The following ZNF432 variants were observed in gnomAD, a reference collection of about 807,000 sequenced individuals.
The protein encoded by ZNF432 is zinc finger protein 432.
Under a neutral mutation model 13.9 loss-of-function variants are expected in ZNF432, and 10 were observed. The ratio of observed to expected loss-of-function variants is 0.72; its 90% CI spans 0.44 to 1.22. ZNF432 has a LOEUF of 1.22. Among genes scored for constraint, ZNF432 ranks in the 50% most tolerant of loss-of-function variants. The probability of loss-of-function intolerance (pLI) is 0.00; values close to 1 mark genes in which losing one functional copy is unlikely to be tolerated. For synonymous variants in ZNF432, 247 were observed against 256.2 expected (o/e 0.96, Z 0.34); for missense variants, 793 against 796.2 (o/e 1.00, Z 0.05).
chr19:52,043,952 G>C (rs1050291041), intron 2 of ZNF432, among the ~76,000 whole-genome samples: 8 of 152,154 alleles, frequency 5.3e-5, no homozygotes, highest in Admixed American at 2.6e-4. Flanking sequence ...CTCAGAGGCT[G>C]GCGGGATCCT....
In ZNF432 at chr19:52,035,032, T is replaced by C. The variant is rs946823513; in HGVS notation, c.647A>G (p.Lys216Arg). Residue 216 changes from lysine to arginine, a missense_variant, in exon 5 of 5, where the codon AAG becomes AGG. Coordinates refer to ENST00000221315, the MANE Select transcript of ZNF432 (RefSeq NM_014650.4). ...CTCATGATCAGTGAGCTGAGACTTC[T>C]TGACAAACGCTTTCCCACATTCACT... ...VCSECGKAFVKKSQLTDHERV... is the reference protein window; with the variant it reads ...VCSECGKAFVRKSQLTDHERV... The C allele has an allele frequency of 6.2e-7, 1 of 1,614,000 alleles. No individual in the cohort carries two copies. The highest frequency in any genetic ancestry group is 8.5e-7 in the Non-Finnish European group (1 of 1,179,988).
chr19:52,047,160 C>A, intron 1 of ZNF432, 100 bp from the exon 2 acceptor site: 1 of 401,786 alleles, frequency 2.5e-6, no homozygotes, highest in Non-Finnish European at 4.4e-6. Context: ...AAACACAAGA[C>A]CCTCAATGTA....
intron 2 of ZNF432, among the ~76,000 whole-genome samples, chr19:52,043,895 C>G (rs921295925): frequency 2.6e-5 from 4 of 152,164 alleles, no homozygotes; most frequent in Non-Finnish European, 5.9e-5. Flanking sequence ...CTGCCACATC[C>G]CCCTCTCGGA....
Position 52,034,272 on chromosome 19 carries a change from C to A in ZNF432, c.1407G>T (p.Lys469Asn). ...TTCGCTGATGTACAATCAGCCGACT[C>A]TTCAAGGGGAAGCCTTTCCCACATT... ...CSECGKGFPL[K>N]SRLIVHQRTH... Residue 469 changes from lysine (K) to asparagine (N), a missense_variant, in exon 5 of 5, where the codon AAG (lysine) becomes AAT (asparagine). By Grantham distance (94) the Lys-to-Asn change is moderately conservative (BLOSUM62 0). Transcript: ENST00000221315. 2 of 1,613,964 alleles carry A rather than the reference C, an allele frequency of 1.2e-6. No individual in the cohort carries two copies. Among genetic ancestry groups the A allele is most frequent in the Non-Finnish European group, 1.7e-6 (2 of 1,179,938 alleles).
chr19:52,031,557 G>A lies in ZNF432; in HGVS notation c.*2163C>T, dbSNP rs190142297. 10 of 152,296 alleles carry A rather than the reference G, an allele frequency of 6.6e-5. No individual in the cohort carries two copies. Among genetic ancestry groups the A allele is most frequent in the African/African-American group, 1.9e-4 (8 of 41,550 alleles). The allele number at this position is 152,296 out of a possible 1,614,324, so 9.4% of individuals were successfully genotyped here. On this transcript the variant is annotated 3_prime_UTR_variant, in exon 5 of 5. Coordinates refer to ENST00000221315, the MANE Select transcript of ZNF432 (RefSeq NM_014650.4). ...CTAACAACTTGGATAGATCTTAAGG[G>A]TAATTTGCTGAGTGAACAAAGCCCT...
chr19:52,041,444 G>A, intron 3 of ZNF432, 36 bp downstream of exon 3: 2 of 1,545,968 alleles, frequency 1.3e-6, no homozygotes, highest in African/African-American at 1.4e-5. Context: ...CCACAGACTG[G>A]GCACCCTCCA....
rs1029398815 is a variant in ZNF432, at chr19:52,033,033, A to C, written c.*687T>G. The C allele has an allele frequency of 6.6e-6, 1 of 152,206 alleles. No individual in the cohort carries two copies. 9.4% of individuals were successfully genotyped at this position (152,206 alleles called of 1,614,324 possible). A position where few individuals can be genotyped will look rare whatever the true frequency, so the allele number is the denominator to read the frequency against. On this transcript the variant is annotated 3_prime_UTR_variant, in exon 5 of 5. Coordinates refer to ENST00000221315, the MANE Select transcript of ZNF432 (RefSeq NM_014650.4). The stretch of plus-strand genomic sequence containing the variant: ...GAGATAGGGTCTTTCTTCCCATAGA[A>C]GGCTTTCCTAGCCTACTCCTTTGTA...
chr19:52,045,793 G>A (rs1396914349), intron 2 of ZNF432, among the ~76,000 whole-genome samples: 2 of 150,786 alleles, frequency 1.3e-5, no homozygotes, highest in East Asian at 2.0e-4. Flanking sequence ...TCAGGAGTTC[G>A]AGACCAGCCT....
intron 3 of ZNF432, 69 bp from the exon 4 acceptor site, chr19:52,040,652 T>C (rs2087126531): frequency 8.0e-7 from 1 of 1,244,274 alleles, no homozygotes; most frequent in Non-Finnish European, 1.2e-6. Context: ...GAGAGAATGT[T>C]ACATTTAAGT....
chr19:52,041,670 T>TA, intron 2 of ZNF432, 64 bp from the exon 3 acceptor site: 2 of 1,605,248 alleles, frequency 1.2e-6, no homozygotes, highest in South Asian at 2.2e-5. Flanking sequence ...GAAAAGAAAG[T>TA]GAAGGGAAGT....
At chr19:52,048,102 GTCTGTTCCAGCCA>G (rs2087205021) in intron 1 of ZNF432, among the ~76,000 whole-genome samples, 1 of 138,966 alleles carries the variant, frequency 7.2e-6, no homozygotes. Flanking sequence ...CGTTCATCAA[GTCTGTTCCAGCCA>G]AAGTTTGAGC....
At chr19:52,038,906 A>G (rs1266425561) in intron 4 of ZNF432, among the ~76,000 whole-genome samples, 1 of 152,258 alleles carries the variant, frequency 6.6e-6, no homozygotes, top group Non-Finnish European at 1.5e-5. Flanking sequence ...CAGTTTAACA[A>G]TATGATTTGT....
rs1568520744 is a variant in ZNF432 at position 52,035,281 on chromosome 19, TATAACTCAA to T, written c.389_397del (p.Phe130_Leu132del). 2 of 1,607,098 alleles carry T rather than the reference TATAACTCAA, an allele frequency of 1.2e-6. No individual in the cohort carries two copies. Among genetic ancestry groups the T allele is most frequent in the Admixed American group, 3.4e-5 (2 of 58,298 alleles). ...TAAATTTGATTTCAAAGTTTTTATA[TATAACTCAA>T]ATGTATCATGATTTTCCCTGAAAAG... On this transcript the variant is annotated inframe_deletion, in exon 5 of 5. Coordinates refer to ENST00000221315, the MANE Select transcript of ZNF432 (RefSeq NM_014650.4).
rs1390656379 is a variant in ZNF432 at position 52,034,630 on chromosome 19, C to T, written c.1049G>A (p.Cys350Tyr). The T allele has an allele frequency of 5.0e-6, 8 of 1,613,500 alleles. No individual in the cohort carries two copies. The highest frequency in any genetic ancestry group is 6.8e-6 in the Non-Finnish European group (8 of 1,179,732). Residue 350 changes from cysteine to tyrosine, a missense_variant, in exon 5 of 5, where the codon TGT becomes TAT. By Grantham distance (194) the Cys-to-Tyr change is radical. Coordinates refer to ENST00000221315, the MANE Select transcript of ZNF432 (RefSeq NM_014650.4). ...GTGTTTTGTGGTGAAGCCTTTCCCA[C>T]ATTCACTACAGATGTAGGGCTTCTC... ...TGEKPYICSE[C>Y]GKGFTTKHYV...
At position 52,033,847 on chromosome 19, in the gene ZNF432, C is replaced by T. The variant is rs369133907; in HGVS notation, c.1832G>A (p.Arg611His). The change falls in exon 5 of 5, where the codon CGT (arginine) becomes CAT (histidine). Residue 611 changes from arginine (R) to histidine (H), a missense_variant. Arg to His is a conservative substitution (Grantham distance 29, BLOSUM62 0). Transcript: ENST00000221315. Reference sequence around the variant, plus strand: ...ATGAGTTCGTTGATGAACAATTAGACGGCTCTTCATAGTGAAGCCTTTACC... The same window carrying T: ...ATGAGTTCGTTGATGAACAATTAGATGGCTCTTCATAGTGAAGCCTTTACC... The part of the protein sequence containing the change: ...ECGKGFTMKS[R>H]LIVHQRTHTG... 1.7e-4 allele frequency: 267 copies of T among 1,613,806 alleles called. No homozygotes were observed. Among genetic ancestry groups the T allele is most frequent in the African/African-American group, 2.4e-4 (18 of 74,964 alleles).
Position 52,032,462 on chromosome 19 carries a change from G to C in ZNF432, c.*1258C>G, listed in dbSNP as rs1245478465. ...TTTTTTTTTTTTTTTTTGAGGCAGA[G>C]TTTCGCTCTTGTTGCCCAGGCTGGA... On this transcript the variant is annotated 3_prime_UTR_variant, in exon 5 of 5. Transcript: ENST00000221315. 1 of 141,364 alleles carries C rather than the reference G, an allele frequency of 7.1e-6. No homozygotes were observed. Among genetic ancestry groups the C allele is most frequent in the Non-Finnish European group, 1.5e-5 (1 of 66,034 alleles). 8.8% of individuals were successfully genotyped at this position (141,364 alleles called of 1,614,324 possible). A position where few individuals can be genotyped will look rare whatever the true frequency, so the allele number is the denominator to read the frequency against.
intron 4 of ZNF432, among the ~76,000 whole-genome samples, chr19:52,038,611 T>A (rs1424959006): frequency 6.6e-6 from 1 of 152,212 alleles, no homozygotes; most frequent in Non-Finnish European, 1.5e-5. Context: ...TCTTAATTCA[T>A]GTCACCATCT....
intron 4 of ZNF432, among the ~76,000 whole-genome samples, chr19:52,037,931 T>C (rs1319197267): frequency 6.6e-6 from 1 of 152,178 alleles, no homozygotes; most frequent in Non-Finnish European, 1.5e-5. Flanking sequence ...TACTAAAGGA[T>C]AAACTTCTTC....
chr19:52,042,744 T>A (rs533018226), intron 2 of ZNF432, among the ~76,000 whole-genome samples: 14 of 152,082 alleles, frequency 9.2e-5, no homozygotes, highest in Admixed American at 2.0e-4. Context: ...AAATATCCTA[T>A]AACTCAAATT....
Sources: allele counts gnomAD v4.1 joint callset (sites outside exome capture counted in the v4.1 genomes callset), GRCh38; gene constraint gnomAD v4.1.1; transcripts MANE v1.5; gene names NCBI Gene and HGNC (gene_info 2026-07-23, HGNC 2026-07-21).